The following ATP8B4 variants were observed in gnomAD, a reference collection of about 807,000 sequenced individuals.
ATP8B4 encodes the protein probable phospholipid-transporting ATPase IM.
ATP8B4 carries 133 observed loss-of-function variants against 145.6 expected under a neutral mutation model. That is an observed-to-expected ratio of 0.91 (90% CI 0.79 to 1.05). ATP8B4 has a LOEUF of 1.05. ATP8B4 is among the 50% of genes least tolerant of loss of function. The pLI is 0.00. For missense variants in ATP8B4, 1,458 were observed against 1,425.2 expected, an observed-to-expected ratio of 1.02 and a Z score of -0.37; for synonymous variants, 507 against 492.9, an observed-to-expected ratio of 1.03 and a Z score of -0.38.
At chr15:50,132,342 C>T (rs981410194) in intron 1 of ATP8B4, among the ~76,000 whole-genome samples, 2 of 152,036 alleles carry the variant, frequency 1.3e-5, no homozygotes, top group Non-Finnish European at 2.9e-5. Context: ...ACTTATGCAA[C>T]CAACAAACAT....
intron 1 of ATP8B4, among the ~76,000 whole-genome samples, chr15:50,169,228 C>T (rs538538547): frequency 2.1e-4 from 32 of 152,342 alleles, no homozygotes; most frequent in African/African-American, 7.7e-4. Context: ...CCAACCAGCA[C>T]AAAAATAGAG....
intron 1 of ATP8B4, among the ~76,000 whole-genome samples, chr15:50,155,516 C>A (rs1433102266): frequency 6.6e-6 from 1 of 151,968 alleles, no homozygotes; most frequent in South Asian, 2.1e-4. Flanking sequence ...AATTTTTAAA[C>A]CAACTTATTT....
At chr15:50,028,217 G>A (rs991901485) in intron 6 of ATP8B4, among the ~76,000 whole-genome samples, 4 of 152,114 alleles carry the variant, frequency 2.6e-5, no homozygotes, top group African/African-American at 9.7e-5. Context: ...ATCTAATTTA[G>A]AGATCATTAC....
At chr15:49,880,885 G>A (rs2035283007) in intron 23 of ATP8B4, among the ~76,000 whole-genome samples, 1 of 151,856 alleles carries the variant, frequency 6.6e-6, no homozygotes, top group Admixed American at 6.6e-5. Context: ...GGCCTAGGCG[G>A]GTGGATCATG....
chr15:49,884,847 T>C (rs1310120969), intron 23 of ATP8B4, among the ~76,000 whole-genome samples: 2 of 152,058 alleles, frequency 1.3e-5, no homozygotes, highest in South Asian at 2.1e-4. Context: ...AAGATTATCA[T>C]AGGAGCATGA....
chr15:50,031,463 A>G (rs934011852), intron 6 of ATP8B4, among the ~76,000 whole-genome samples: 5 of 152,128 alleles, frequency 3.3e-5, no homozygotes, highest in Admixed American at 2.6e-4. Flanking sequence ...GGGTACATCA[A>G]TTCTCCCATG....
At chr15:49,954,638 C>A (rs944595085) in intron 14 of ATP8B4, among the ~76,000 whole-genome samples, 7 of 152,036 alleles carry the variant, frequency 4.6e-5, no homozygotes, top group African/African-American at 1.7e-4. Flanking sequence ...CATCTCACAC[C>A]AGTCAGAAAA....
intron 1 of ATP8B4, among the ~76,000 whole-genome samples, chr15:50,153,426 C>T (rs538213059): frequency 6.6e-6 from 1 of 151,918 alleles, no homozygotes; most frequent in East Asian, 1.9e-4. Context: ...GCAACCTCCG[C>T]CCCCCAGGTT....
At chr15:50,098,771 A>T (rs967250793) in intron 2 of ATP8B4, among the ~76,000 whole-genome samples, 12 of 152,248 alleles carry the variant, frequency 7.9e-5, no homozygotes, top group African/African-American at 2.9e-4. Flanking sequence ...TGCATATCTG[A>T]TTCAGGGCTG....
At chr15:50,176,757 C>T (rs1378554718) in intron 1 of ATP8B4, among the ~76,000 whole-genome samples, 1 of 152,116 alleles carries the variant, frequency 6.6e-6, no homozygotes, top group African/African-American at 2.4e-5. Flanking sequence ...AACACCTAAT[C>T]AAAGACATTC....
intron 3 of ATP8B4, among the ~76,000 whole-genome samples, chr15:50,064,655 G>A (rs912229884): frequency 6.6e-6 from 1 of 152,120 alleles, no homozygotes; most frequent in Non-Finnish European, 1.5e-5. Context: ...TGATGTATTA[G>A]TCTATTCTCA....
chr15:49,984,763 C>A (rs1033788290), intron 10 of ATP8B4, among the ~76,000 whole-genome samples: 4 of 151,750 alleles, frequency 2.6e-5, no homozygotes, highest in Non-Finnish European at 4.4e-5. Context: ...CCTCCTAGGG[C>A]AGAAAGAATG....
intron 14 of ATP8B4, among the ~76,000 whole-genome samples, chr15:49,959,165 T>A (rs1347720500): frequency 1.3e-5 from 2 of 152,038 alleles, no homozygotes; most frequent in Non-Finnish European, 2.9e-5. Flanking sequence ...AAATTGAATC[T>A]GTTAATATGA....
chr15:50,177,810 T>TATAAG (rs2044785654), intron 1 of ATP8B4, among the ~76,000 whole-genome samples: 1 of 152,188 alleles, frequency 6.6e-6, no homozygotes, highest in Non-Finnish European at 1.5e-5. Context: ...ATAAACTATA[T>TATAAG]TTTAGCATGT....
intron 19 of ATP8B4, among the ~76,000 whole-genome samples, chr15:49,917,513 A>C (rs1368404335): frequency 1.3e-5 from 2 of 152,190 alleles, no homozygotes; most frequent in Non-Finnish European, 2.9e-5. Context: ...TGCTCTTATG[A>C]AATTTTTATA....
chr15:49,983,191 C>T (rs1161905641), intron 10 of ATP8B4, among the ~76,000 whole-genome samples: 1 of 152,192 alleles, frequency 6.6e-6, no homozygotes, highest in Non-Finnish European at 1.5e-5. Flanking sequence ...CCAGCTCATG[C>T]TGTTCCTCTG....
At chr15:50,002,056 C>T (rs115129392) in intron 8 of ATP8B4, 97 bp downstream of exon 8, 2 of 1,010,194 alleles carry the variant, frequency 2.0e-6, no homozygotes, top group African/African-American at 3.3e-5. Flanking sequence ...CCTATGTCTC[C>T]CAAGAAGATA....
chr15:49,988,228 CA>C (rs1192624317), intron 9 of ATP8B4, among the ~76,000 whole-genome samples: 4 of 152,162 alleles, frequency 2.6e-5, no homozygotes, highest in African/African-American at 9.7e-5. Flanking sequence ...ATGCCCACTC[CA>C]AATCAACGAA....
chr15:50,023,779 CAAAA>C (rs60030651), intron 6 of ATP8B4, among the ~76,000 whole-genome samples: 1 of 75,050 alleles, frequency 1.3e-5, no homozygotes, highest in African/African-American at 5.4e-5. Flanking sequence ...AGACCAAAGG[CAAAA>C]AAAAAAAAAA....
Sources: allele counts gnomAD v4.1 joint callset (sites outside exome capture counted in the v4.1 genomes callset), GRCh38; gene constraint gnomAD v4.1.1; transcripts MANE v1.5; gene names NCBI Gene and HGNC (gene_info 2026-07-23, HGNC 2026-07-21).